The following OSBPL10 variants were observed in gnomAD, a reference collection of about 807,000 sequenced individuals.
OSBPL10 encodes oxysterol binding protein like 10.
In OSBPL10, 49 loss-of-function variants were observed where a neutral mutation model predicts 81.7. The ratio of observed to expected loss-of-function variants is 0.60; its 90% CI spans 0.48 to 0.76. The LOEUF is 0.76. Among genes scored for constraint, OSBPL10 ranks in the 30% least tolerant of loss-of-function variants. The probability of loss-of-function intolerance (pLI) is 0.00; values close to 1 mark genes in which losing one functional copy is unlikely to be tolerated. For synonymous variants in OSBPL10, 419 were observed against 383.6 expected (o/e 1.09, Z -1.08); for missense variants, 923 against 987.8 (o/e 0.93, Z 0.88).
intron 4 of OSBPL10, among the ~76,000 whole-genome samples, chr3:31,805,383 CCCTT>C (rs1387057630): frequency 3.3e-5 from 5 of 152,138 alleles, no homozygotes; most frequent in African/African-American, 1.2e-4. Flanking sequence ...ATCCACAGTG[CCCTT>C]CCAGAAGCTC....
intron 2 of OSBPL10, chr3:32,030,382 A>G: frequency 5.1e-6 from 3 of 588,964 alleles, no homozygotes; most frequent in Non-Finnish European, 9.5e-6. Context: ...CTAAACTGGA[A>G]GAGTCTACAA....
intron 3 of OSBPL10, among the ~76,000 whole-genome samples, chr3:31,845,047 A>C (rs1293576677): frequency 6.6e-6 from 1 of 152,190 alleles, no homozygotes; most frequent in East Asian, 1.9e-4. Flanking sequence ...GTGCCACTGC[A>C]CTCCAGCCTG....
intron 1 of OSBPL10, among the ~76,000 whole-genome samples, chr3:31,882,621 G>T (rs1695615152): frequency 6.6e-6 from 1 of 152,166 alleles, no homozygotes; most frequent in African/African-American, 2.4e-5. Context: ...TTAGGGTGTG[G>T]CTTTTTGAGC....
chr3:31,847,282 G>C (rs1348813932), intron 3 of OSBPL10, among the ~76,000 whole-genome samples: 2 of 151,332 alleles, frequency 1.3e-5, no homozygotes, highest in Non-Finnish European at 2.9e-5. Context: ...CTGCAGCCTC[G>C]GTCTCCCAGG....
At chr3:31,812,732 A>G (rs1223112748) in intron 4 of OSBPL10, among the ~76,000 whole-genome samples, 2 of 22,572 alleles carry the variant, frequency 8.9e-5, no homozygotes, top group African/African-American at 1.4e-4. Context: ...GAAAGAAAGA[A>G]AGAAAGAAAG....
intron 3 of OSBPL10, among the ~76,000 whole-genome samples, chr3:31,854,672 C>T (rs1376094879): frequency 1.3e-5 from 2 of 152,168 alleles, no homozygotes; most frequent in South Asian, 2.1e-4. Flanking sequence ...ATCCTTTACT[C>T]GGTTTTACCA....
chr3:32,068,064 C>A (rs1433380063), intron 1 of OSBPL10, among the ~76,000 whole-genome samples: 1 of 152,202 alleles, frequency 6.6e-6, no homozygotes, highest in Non-Finnish European at 1.5e-5. Flanking sequence ...TCACCAATTT[C>A]AAATCAGGTA....
chr3:31,709,152 C>T (rs1389378687), intron 6 of OSBPL10: 1 of 531,624 alleles, frequency 1.9e-6, no homozygotes, highest in South Asian at 8.0e-5. Flanking sequence ...CATGTCCACA[C>T]AGCAAGCTAG....
At chr3:31,775,290 G>T (rs1289555955) in intron 4 of OSBPL10, among the ~76,000 whole-genome samples, 2 of 152,116 alleles carry the variant, frequency 1.3e-5, no homozygotes, top group Non-Finnish European at 2.9e-5. Context: ...AACATGCAAA[G>T]GACTGCTTCC....
At chr3:31,800,575 ACTCT>A (rs1404578238) in intron 4 of OSBPL10, among the ~76,000 whole-genome samples, 1 of 152,096 alleles carries the variant, frequency 6.6e-6, no homozygotes, top group African/African-American at 2.4e-5. Flanking sequence ...TCAAAACCAC[ACTCT>A]CTCACTGAAA....
At chr3:31,858,205 T>G (rs941295657) in intron 3 of OSBPL10, among the ~76,000 whole-genome samples, 2 of 152,052 alleles carry the variant, frequency 1.3e-5, no homozygotes, top group African/African-American at 2.4e-5. Context: ...TTCCCTATGT[T>G]GCCCAGGCTG....
rs767831467 is a variant in OSBPL10 at position 31,879,611 on chromosome 3, G to C, written c.457+44C>G. On this transcript the variant is annotated intron_variant, in intron 2 of 11. Coordinates refer to ENST00000396556, the MANE Select transcript of OSBPL10 (RefSeq NM_017784.5). ...AAAAAACAAGAGAGCCATCACCATA[G>C]CAACTAGAGGCCTGTCTGAAAAGTT... 1.9e-6 allele frequency: 3 copies of C among 1,553,294 alleles called. No homozygotes were observed. In the African/African-American group the frequency reaches 4.2e-5, roughly 22 times the overall value.
Position 31,830,238 on chromosome 3 carries a change from T to C in OSBPL10, c.538-7A>G. On this transcript the variant is annotated splice_region_variant and splice_polypyrimidine_tract_variant and intron_variant, in intron 3 of 11. Transcript: ENST00000396556. ...TTCGGGAGCTTGGAGCACTCTAGAA[T>C]AAGCAACAGGTGTCAAAACTCAACA... 1.9e-6 allele frequency: 3 copies of C among 1,609,604 alleles called. No individual in the cohort carries two copies. The highest frequency in any genetic ancestry group is 2.5e-6 in the Non-Finnish European group (3 of 1,177,966).
intron 1 of OSBPL10, among the ~76,000 whole-genome samples, chr3:31,887,837 G>T (rs1335147229): frequency 6.6e-6 from 1 of 152,082 alleles, no homozygotes; most frequent in African/African-American, 2.4e-5. Context: ...CTTGGAATTT[G>T]TGGCAATGAC....
intron 5 of OSBPL10, among the ~76,000 whole-genome samples, chr3:31,737,403 G>A (rs1008643348): frequency 3.9e-5 from 6 of 152,154 alleles, no homozygotes; most frequent in Admixed American, 2.0e-4. Flanking sequence ...TAAGGTGTTA[G>A]AGAAAACACC....
In OSBPL10 at chr3:31,870,370, C is replaced by A. The variant is rs376521554; in HGVS notation, c.537+6063G>T. Among the ~76,000 whole-genome samples the A allele has an allele frequency of 3.7e-4, 56 of 152,376 alleles. No homozygotes were observed. The South Asian group carries it at 6.2e-3, about 17-fold the overall frequency. On this transcript the variant is annotated intron_variant, in intron 3 of 11. Coordinates refer to ENST00000396556, the MANE Select transcript of OSBPL10 (RefSeq NM_017784.5). Reference sequence around the variant, plus strand: ...CTTTCCCGCGGGGCAGGGCTCCGGACCTGCAGCCCGCCATGCCTGAGCCTC... The same window carrying A: ...CTTTCCCGCGGGGCAGGGCTCCGGAACTGCAGCCCGCCATGCCTGAGCCTC...
At chr3:31,747,488 A>T (rs56185328) in intron 5 of OSBPL10, among the ~76,000 whole-genome samples, 1 of 26,984 alleles carries the variant, frequency 3.7e-5, no homozygotes, top group African/African-American at 1.4e-4. Flanking sequence ...ATCTTCAAAT[A>T]AAAAAAAAAA....
At chr3:31,985,286 A>G (rs921688913), upstream of OSBPL10, among the ~76,000 whole-genome samples, 2 of 152,244 alleles carry the variant, frequency 1.3e-5, no homozygotes, top group Admixed American at 1.3e-4. Context: ...CAAATGCTCA[A>G]TATAAGGACC....
At chr3:31,765,451 C>A (rs958341654) in intron 4 of OSBPL10, among the ~76,000 whole-genome samples, 15 of 151,970 alleles carry the variant, frequency 9.9e-5, no homozygotes, top group African/African-American at 3.6e-4. Context: ...CAAGATGTGG[C>A]AAACTGTGGG....
Sources: allele counts gnomAD v4.1 joint callset (sites outside exome capture counted in the v4.1 genomes callset), GRCh38; gene constraint gnomAD v4.1.1; transcripts MANE v1.5; gene names NCBI Gene and HGNC (gene_info 2026-07-23, HGNC 2026-07-21).